Variants in MRE11 observed in about 807,000 individuals in gnomAD.
The protein encoded by MRE11 is MRE11 double strand break repair nuclease.
Under a neutral mutation model 91.7 loss-of-function variants are expected in MRE11, and 62 were observed. The observed-to-expected ratio is 0.68, with a 90% confidence interval of 0.55 to 0.84. The LOEUF (loss-of-function observed/expected upper bound fraction) is 0.84, where lower values mean the gene tolerates loss of function less well. MRE11 is among the 40% of genes least tolerant of loss of function. The pLI is 0.00. For synonymous variants in MRE11, 273 were observed against 271.4 expected (o/e 1.01, Z -0.06); for missense variants, 796 against 852.9 (o/e 0.93, Z 0.83).
At chr11:94,463,346 G>A (rs1201882723) in intron 11 of MRE11, among the ~76,000 whole-genome samples, 2 of 152,196 alleles carry the variant, frequency 1.3e-5, no homozygotes, top group Non-Finnish European at 2.9e-5. Context: ...CTGTACACTA[G>A]TTCAACCATT....
At chr11:94,481,578 C>T (rs1052773990) in intron 4 of MRE11, among the ~76,000 whole-genome samples, 7 of 152,178 alleles carry the variant, frequency 4.6e-5, no homozygotes, top group Admixed American at 1.3e-4. Context: ...TTGTGTCATA[C>T]TTAGAAGCCT....
intron 3 of MRE11, among the ~76,000 whole-genome samples, chr11:94,486,935 CA>C (rs1446064402): frequency 6.6e-6 from 1 of 152,104 alleles, no homozygotes. Context: ...CTTAATCACA[CA>C]AAAGAATACA....
At chr11:94,498,772 T>C (rs1947453938), upstream of MRE11, 2 of 503,710 alleles carry the variant, frequency 4.0e-6, no homozygotes, top group Non-Finnish European at 7.0e-6. Context: ...TTTTAATGTG[T>C]GTATACTTAA....
At chr11:94,449,373 A>G (rs1946032251) in intron 14 of MRE11, among the ~76,000 whole-genome samples, 1 of 152,250 alleles carries the variant, frequency 6.6e-6, no homozygotes, top group African/African-American at 2.4e-5. Context: ...CATGAAATAC[A>G]GTTAATCCTC....
rs374685908 is a variant in MRE11 at position 94,420,153 on chromosome 11, G to C, written c.2099C>G (p.Thr700Ser). ...EDDDDDPFMN[T>S]SSLRRNRR is the part of the protein sequence containing the mutation. ...TCTTCTATTTCTTCTTAAAGAACTA[G>C]TGTTCATAAAAGGATCATCATCATC... The change falls in exon 20 of 20, where the codon ACT (threonine) becomes AGT (serine). Residue 700 changes from threonine to serine, a missense_variant. Physicochemically the swap from Thr to Ser is moderately conservative, Grantham distance 58 (BLOSUM62 1). Coordinates refer to ENST00000323929, the MANE Select transcript of MRE11 (RefSeq NM_005591.4). 23 of 1,581,468 alleles carry C rather than the reference G, an allele frequency of 1.5e-5. No individual in the cohort carries two copies. Among genetic ancestry groups the C allele is most frequent in the Middle Eastern group, 3.3e-4 (2 of 6,002 alleles).
intron 2 of MRE11, 68 bp downstream of exon 2, chr11:94,492,714 A>T (rs1947319249): frequency 6.3e-7 from 1 of 1,595,166 alleles, no homozygotes; most frequent in African/African-American, 1.3e-5. Context: ...GTTTTCTTTT[A>T]CTGTGATCAC....
At chr11:94,479,887 G>C (rs1460489739) in intron 4 of MRE11, 126 bp from the exon 5 acceptor site, 1 of 689,970 alleles carries the variant, frequency 1.4e-6, no homozygotes, top group Non-Finnish European at 2.5e-6. Context: ...ATGACCACTA[G>C]TTTAGAGCTT....
Position 94,435,861 on chromosome 11 carries a change from A to G in MRE11, c.1965T>C (p.Ile655=), listed in dbSNP as rs746850084. ...EVDESDVEED[I]FPTTSKTDQR... ...GATCTGTCTTTGAAGTGGTAGGAAA[A>G]ATGTCTTCTTCCACATCTGATTCAT... The change falls in exon 18 of 20, where the codon ATT becomes ATC. Residue 655 remains isoleucine, a synonymous_variant. Coordinates refer to ENST00000323929, the MANE Select transcript of MRE11 (RefSeq NM_005591.4). 1 of 1,613,976 alleles carries G rather than the reference A, an allele frequency of 6.2e-7. No individual in the cohort carries two copies. Among genetic ancestry groups the G allele is most frequent in the African/African-American group, 1.3e-5 (1 of 75,046 alleles).
chr11:94,418,799 A>G lies in MRE11; in HGVS notation c.*1326T>C, dbSNP rs1277354734. The stretch of plus-strand genomic sequence containing the variant: ...TGCTCAAGTTAGGTACAGAAAAAAT[A>G]TTTTTAAGAAAGTCAATAGAATGTT... On this transcript the variant is annotated 3_prime_UTR_variant, in exon 20 of 20. Transcript: ENST00000323929. 1 of 231,770 alleles carries G rather than the reference A, an allele frequency of 4.3e-6. No individual in the cohort carries two copies. The highest frequency in any genetic ancestry group is 2.2e-5 in the African/African-American group (1 of 45,278). 14.4% of individuals were successfully genotyped at this position (231,770 alleles called of 1,614,324 possible).
At chr11:94,457,885 T>TCA (rs1158623244) in intron 13 of MRE11, among the ~76,000 whole-genome samples, 9 of 77,438 alleles carry the variant, frequency 1.2e-4, no homozygotes, top group East Asian at 4.1e-4. Flanking sequence ...TCTCTCTCTC[T>TCA]CTCACACACA....
intron 4 of MRE11, among the ~76,000 whole-genome samples, chr11:94,484,456 T>A (rs906288574): frequency 1.3e-5 from 2 of 152,224 alleles, no homozygotes; most frequent in African/African-American, 4.8e-5. Flanking sequence ...CTAAAATATT[T>A]ATTAATTACT....
At chr11:94,458,181 A>T (rs1312726568) in intron 13 of MRE11, among the ~76,000 whole-genome samples, 1 of 150,346 alleles carries the variant, frequency 6.7e-6, no homozygotes, top group Non-Finnish European at 1.5e-5. Context: ...TAAGGGAATG[A>T]GTTTTTTTTT....
At chr11:94,468,792 T>C (rs1946634671) in intron 9 of MRE11, among the ~76,000 whole-genome samples, 2 of 148,868 alleles carry the variant, frequency 1.3e-5, no homozygotes, top group Admixed American at 1.4e-4. Context: ...CTAGTACAAG[T>C]GAGAAACTGA....
chr11:94,491,054 A>G, intron 2 of MRE11, 89 bp from the exon 3 acceptor site: 1 of 840,924 alleles, frequency 1.2e-6, no homozygotes, highest in Non-Finnish European at 1.9e-6. Flanking sequence ...AAAATAAATA[A>G]TAACAGTTAT....
At position 94,416,923 on chromosome 11, in the gene MRE11, G is replaced by C. The variant is rs1289126793; in HGVS notation, c.*3202C>G. The stretch of plus-strand genomic sequence containing the variant: ...TACAAAAAGGACATCAGATTTCTTT[G>C]GGGGAAAGTCGCTTTTAAATTCTAT... On this transcript the variant is annotated 3_prime_UTR_variant, in exon 20 of 20. Transcript: ENST00000323929. 1 of 148,562 alleles carries C rather than the reference G, an allele frequency of 6.7e-6. No individual in the cohort carries two copies. The highest frequency in any genetic ancestry group is 1.5e-5 in the Non-Finnish European group (1 of 67,738). 9.2% of individuals were successfully genotyped at this position (148,562 alleles called of 1,614,324 possible). A position where few individuals can be genotyped will look rare whatever the true frequency, so the allele number is the denominator to read the frequency against.
In MRE11 at chr11:94,419,465, G is replaced by GGGGAGA. The variant is rs373002609; in HGVS notation, c.*659_*660insTCTCCC. 3.6e-4 allele frequency: 77 copies of GGGGAGA among 216,408 alleles called. No individual in the cohort carries two copies. The highest frequency in any genetic ancestry group is 1.9e-3 in the South Asian group (9 of 4,852). 13.4% of individuals were successfully genotyped at this position (216,408 alleles called of 1,614,324 possible). ...GAAGAGTGGGGAACGGGGGGGAGAG[G>GGGGAGA]GAGAGAGAGAGAGAGAGAGAGAGAG... On this transcript the variant is annotated 3_prime_UTR_variant, in exon 20 of 20. Transcript: ENST00000323929.
chr11:94,487,977 A>G (rs1240152723), intron 3 of MRE11, among the ~76,000 whole-genome samples: 1 of 152,242 alleles, frequency 6.6e-6, no homozygotes, highest in African/African-American at 2.4e-5. Flanking sequence ...AGATTCAATA[A>G]TAAGAAATAC....
chr11:94,464,327 T>C (rs1404530350), intron 10 of MRE11, 88 bp from the exon 11 acceptor site: 4 of 1,534,704 alleles, frequency 2.6e-6, no homozygotes, highest in Non-Finnish European at 3.6e-6. Context: ...ATTCACAGTG[T>C]TTATGCTTGA....
intron 7 of MRE11, among the ~76,000 whole-genome samples, 185 bp from the exon 8 acceptor site, chr11:94,471,944 A>G (rs908687038): frequency 4.6e-5 from 7 of 152,084 alleles, no homozygotes; most frequent in Non-Finnish European, 1.0e-4. Flanking sequence ...TGAGAGCTTT[A>G]CAAACTTATT....
Sources: allele counts gnomAD v4.1 joint callset (sites outside exome capture counted in the v4.1 genomes callset), GRCh38; gene constraint gnomAD v4.1.1; transcripts MANE v1.5; gene names NCBI Gene and HGNC (gene_info 2026-07-23, HGNC 2026-07-21).